The following NPRL3 variants were observed in gnomAD, a reference collection of about 807,000 sequenced individuals.
The protein encoded by NPRL3 is GATOR1 complex protein NPRL3.
In NPRL3, 23 loss-of-function variants were observed where a neutral mutation model predicts 57.2. That is an observed-to-expected ratio of 0.40 (90% confidence interval 0.29 to 0.57). The LOEUF (loss-of-function observed/expected upper bound fraction) is 0.57. NPRL3 is among the 20% of genes least tolerant of loss of function. The probability of loss-of-function intolerance (pLI) is 0.42; values close to 1 mark genes in which losing one functional copy is unlikely to be tolerated. For missense variants in NPRL3, 691 were observed against 767.1 expected (o/e 0.90, Z 1.17); for synonymous variants, 333 against 321.1 (o/e 1.04, Z -0.39).
intron 2 of NPRL3, among the ~76,000 whole-genome samples, chr16:135,246 G>A (rs1042427338): frequency 3.3e-5 from 5 of 152,192 alleles, no homozygotes; most frequent in Non-Finnish European, 7.3e-5. Context: ...CAGTTCCACA[G>A]GGCTCCAAAG....
At chr16:117,215 G>T in intron 5 of NPRL3, 86 bp downstream of exon 5, 2 of 938,002 alleles carry the variant, frequency 2.1e-6, no homozygotes, top group Non-Finnish European at 3.3e-6. Context: ...TCCAAGCTCC[G>T]AGTCAATGAC....
chr16:126,841 AGT>A (rs1490954498), intron 3 of NPRL3, among the ~76,000 whole-genome samples: 7 of 152,204 alleles, frequency 4.6e-5, no homozygotes, highest in Admixed American at 2.0e-4. Context: ...ATAAAAAATA[AGT>A]AAGAGTTAAT....
intron 3 of NPRL3, chr16:127,065 C>A (rs1174349150): frequency 3.3e-5 from 5 of 152,104 alleles, no homozygotes; most frequent in African/African-American, 1.2e-4. Flanking sequence ...AGAGACAGGA[C>A]TTCGTCATAT....
At chr16:126,062 A>G (rs1290061721) in intron 3 of NPRL3, 1 of 152,252 alleles carries the variant, frequency 6.6e-6, no homozygotes, top group Non-Finnish European at 1.5e-5. Flanking sequence ...TGATTCCCCA[A>G]GATGTCACCT....
intron 5 of NPRL3, among the ~76,000 whole-genome samples, chr16:116,003 C>G (rs555635020): frequency 6.6e-6 from 1 of 152,328 alleles, no homozygotes; most frequent in African/African-American, 2.4e-5. Context: ...GAAATCTTTA[C>G]GCAGTTGTAA....
chr16:85,424 C>T lies in NPRL3; in HGVS notation c.*1281G>A, dbSNP rs907071937. On this transcript the variant is annotated 3_prime_UTR_variant, in exon 14 of 14. Coordinates refer to ENST00000611875, the MANE Select transcript of NPRL3 (RefSeq NM_001077350.3). ...AGGGGACGGGGCTTGCGTCTTGCTG[C>T]GAGCACTGGAGCCCCTGGAAGGTCT... is the stretch of plus-strand genomic sequence containing the variant. 5.0e-6 allele frequency: 8 copies of T among 1,609,268 alleles called. No individual in the cohort carries two copies. Among genetic ancestry groups the T allele is most frequent in the East Asian group, 2.2e-5 (1 of 44,840 alleles).
At chr16:114,143 A>G (rs1390336728) in intron 5 of NPRL3, among the ~76,000 whole-genome samples, 1 of 152,206 alleles carries the variant, frequency 6.6e-6, no homozygotes, top group Non-Finnish European at 1.5e-5. Flanking sequence ...GATCCTGGAT[A>G]TGTGATTATT....
At position 95,654 on chromosome 16, in the gene NPRL3, C is replaced by T. The variant is rs187827750; in HGVS notation, c.925-2329G>A. On this transcript the variant is annotated intron_variant, in intron 9 of 13. Transcript: ENST00000611875. Reference sequence around the variant, plus strand: ...GTAAAATCACAATTCACTGCAGCCTCGAACACCAGGGCTCAAGTGATCCTC... The same window carrying T: ...GTAAAATCACAATTCACTGCAGCCTTGAACACCAGGGCTCAAGTGATCCTC... Among the ~76,000 whole-genome samples, 40 of 152,266 alleles carry T rather than the reference C, an allele frequency of 2.6e-4. No individual in the cohort carries two copies. In the East Asian group the frequency reaches 7.1e-3, roughly 27 times the overall value.
chr16:136,389 GA>G (rs1023419149), intron 2 of NPRL3, among the ~76,000 whole-genome samples: 2 of 151,976 alleles, frequency 1.3e-5, no homozygotes, highest in African/African-American at 4.8e-5. Context: ...CTTGTGCTTA[GA>G]AAAAAAACAC....
chr16:91,650 C>T (rs553820547), intron 11 of NPRL3, among the ~76,000 whole-genome samples: 96 of 152,298 alleles, frequency 6.3e-4, no homozygotes, highest in Non-Finnish European at 1.1e-3. Context: ...TGTGAAAGAC[C>T]GCACTGAGAG....
Position 92,708 on chromosome 16 carries a change from T to A in NPRL3, c.1049A>T (p.Glu350Val). The A allele has an allele frequency of 6.2e-7, 1 of 1,613,656 alleles. No homozygotes were observed. The highest frequency in any genetic ancestry group is 1.7e-5 in the Admixed American group (1 of 59,972). Residue 350 changes from glutamate (E) to valine (V), a missense_variant, in exon 11 of 14, where the codon GAG (glutamate) becomes GTG (valine). Transcript: ENST00000611875. ...ASVCLYSPLA[E>V]QFSHQFPSHD... The stretch of plus-strand genomic sequence containing the variant: ...AGATGGGAACTGGTGGGAGAACTGC[T>A]CGGCCAGCGGGGAGTACCTGCAGGC...
At chr16:87,743 G>T (rs1898559639) in intron 13 of NPRL3, among the ~76,000 whole-genome samples, 1 of 149,492 alleles carries the variant, frequency 6.7e-6, no homozygotes, top group South Asian at 2.1e-4. Flanking sequence ...CTAATTTTTT[G>T]TATTTTTTAG....
intron 2 of NPRL3, among the ~76,000 whole-genome samples, chr16:132,149 G>A (rs1900840618): frequency 6.6e-6 from 1 of 152,002 alleles, no homozygotes; most frequent in Admixed American, 6.6e-5. Flanking sequence ...TGGGACTACA[G>A]GCATATGACA....
At chr16:132,061 G>A (rs971848384) in intron 2 of NPRL3, among the ~76,000 whole-genome samples, 1 of 150,534 alleles carries the variant, frequency 6.6e-6, no homozygotes, top group Non-Finnish European at 1.5e-5. Context: ...ACTGGAGTGC[G>A]GTGGTGTGAT....
At chr16:132,316 C>T (rs1336308027) in intron 2 of NPRL3, among the ~76,000 whole-genome samples, 2 of 152,126 alleles carry the variant, frequency 1.3e-5, no homozygotes, top group Admixed American at 1.3e-4. Context: ...CCAGAAACTG[C>T]TTTCTTTGCC....
Position 86,585 on chromosome 16 carries a change from C to G in NPRL3, c.*120G>C. On this transcript the variant is annotated 3_prime_UTR_variant, in exon 14 of 14. Coordinates refer to ENST00000611875, the MANE Select transcript of NPRL3 (RefSeq NM_001077350.3). The stretch of plus-strand genomic sequence containing the variant: ...TCACTGGGCCACGGCCAGCCCGCAT[C>G]CACCCAATGCCAGGCCTCAGGGCCA... 1 of 1,038,884 alleles carries G rather than the reference C, an allele frequency of 9.6e-7. No homozygotes were observed. Among genetic ancestry groups the G allele is most frequent in the East Asian group, 2.6e-5 (1 of 38,054 alleles). The allele number at this position is 1,038,884 out of a possible 1,614,324, so 64.4% of individuals were successfully genotyped here.
chr16:93,463 G>A (rs1898852037), intron 9 of NPRL3, 138 bp from the exon 10 acceptor site: 2 of 645,612 alleles, frequency 3.1e-6, no homozygotes, highest in Non-Finnish European at 2.8e-6. Flanking sequence ...ACACCTGGTG[G>A]CTATGGCCCG....
Position 86,632 on chromosome 16 carries a change from G to C in NPRL3, c.*73C>G. The C allele has an allele frequency of 6.9e-7, 1 of 1,444,238 alleles. No homozygotes were observed. The highest frequency in any genetic ancestry group is 9.3e-7 in the Non-Finnish European group (1 of 1,075,914). 89.5% of individuals were successfully genotyped at this position (1,444,238 alleles called of 1,614,324 possible). On this transcript the variant is annotated 3_prime_UTR_variant, in exon 14 of 14. Coordinates refer to ENST00000611875, the MANE Select transcript of NPRL3 (RefSeq NM_001077350.3). ...GCCAAGAGGGCTCAGCCTCAGCACGGGGGGAGCCCTGGGGTGGGGAGACGC... is the reference window on the plus strand; with the variant it reads ...GCCAAGAGGGCTCAGCCTCAGCACGCGGGGAGCCCTGGGGTGGGGAGACGC...
chr16:91,143 T>G (rs568540513), intron 11 of NPRL3: 1 of 151,382 alleles, frequency 6.6e-6, no homozygotes, highest in Non-Finnish European at 1.5e-5. Context: ...TTTGAGAGGA[T>G]GAGGTGGGTG....
Sources: allele counts gnomAD v4.1 joint callset (sites outside exome capture counted in the v4.1 genomes callset), GRCh38; gene constraint gnomAD v4.1.1; transcripts MANE v1.5; gene names NCBI Gene and HGNC (gene_info 2026-07-23, HGNC 2026-07-21).